CD4: variants seen among roughly 807,000 people sequenced by gnomAD.
The protein encoded by CD4 is CD4 molecule.
A neutral mutation model predicts 50.5 loss-of-function variants in CD4; 25 were observed. That is an observed-to-expected ratio of 0.49 (90% CI 0.36 to 0.69). CD4 has a LOEUF of 0.69. CD4 is among the 30% of genes least tolerant of loss of function. The pLI, the probability that CD4 is intolerant of heterozygous loss-of-function variation, is 0.00. For missense variants in CD4, 456 were observed against 548.5 expected (o/e 0.83, Z 1.68); for synonymous variants, 207 against 221.9 (o/e 0.93, Z 0.60).
At position 6,819,521 on chromosome 12, in the gene CD4, G is replaced by A; in HGVS notation, c.*192G>A. 4 of 616,658 alleles carry A rather than the reference G, an allele frequency of 6.5e-6. No individual in the cohort carries two copies. In the Admixed American group the frequency reaches 8.4e-5, roughly 13 times the overall value. 38.2% of individuals were successfully genotyped at this position (616,658 alleles called of 1,614,324 possible). A position where few individuals can be genotyped will look rare whatever the true frequency, so the allele number is the denominator to read the frequency against. On this transcript the variant is annotated 3_prime_UTR_variant, in exon 10 of 10. Transcript: ENST00000011653. ...GAGTGTTGCTCTCTAGTTTCCAGAGGCTTAATCACACCGTCCTCCACGCCA... is the reference window on the plus strand; with the variant it reads ...GAGTGTTGCTCTCTAGTTTCCAGAGACTTAATCACACCGTCCTCCACGCCA...
In CD4 at chr12:6,820,775, T is replaced by C. The variant is rs1352975623; in HGVS notation, c.*1446T>C. The C allele has an allele frequency of 6.6e-6, 1 of 151,128 alleles. No individual in the cohort carries two copies. The highest frequency in any genetic ancestry group is 2.4e-5 in the African/African-American group (1 of 40,960). 9.4% of individuals were successfully genotyped at this position (151,128 alleles called of 1,614,324 possible). On this transcript the variant is annotated 3_prime_UTR_variant, in exon 10 of 10. Transcript: ENST00000011653. ...ACTCTCCACCCCTGCTCCCCTGAGC[T>C]GAAATAAAAATACAATAAACTTACT...
chr12:6,819,179 G>A (rs1036414042), intron 9 of CD4, 120 bp from the exon 10 acceptor site: 2 of 1,012,050 alleles, frequency 2.0e-6, no homozygotes, highest in Non-Finnish European at 3.1e-6. Context: ...AGCAGGCCAG[G>A]AAAGGCCCTG....
At chr12:6,812,979 C>A (rs1419089961) in intron 3 of CD4, among the ~76,000 whole-genome samples, 1 of 151,888 alleles carries the variant, frequency 6.6e-6, no homozygotes, top group Non-Finnish European at 1.5e-5. Context: ...ATGATCATAG[C>A]TCACTGCAGC....
intron 3 of CD4, among the ~76,000 whole-genome samples, chr12:6,809,578 C>T (rs995333311): frequency 4.6e-5 from 7 of 152,182 alleles, no homozygotes; most frequent in African/African-American, 1.4e-4. Flanking sequence ...TCACATACCT[C>T]CCACCTGGAT....
rs1304983734 is a variant in CD4 at position 6,816,625 on chromosome 12, T to C, written c.955+222T>C. 3.3e-5 allele frequency among the ~76,000 whole-genome samples: 5 copies of C among 152,200 alleles called. No homozygotes were observed. The highest frequency in any genetic ancestry group is 7.3e-5 in the Non-Finnish European group (5 of 68,030). ...CTGAAGATCCCCAAAGCACTTGGGC[T>C]AAGAACCAGGGTTCCAGTTCTTCCT... On this transcript the variant is annotated intron_variant, in intron 6 of 9. Transcript: ENST00000011653. This position sits in a 1 kb window ranked among gnomAD's most constrained non-coding sequence, Gnocchi z 4.9.
At chr12:6,800,896 G>GA (rs201610908) in intron 3 of CD4, among the ~76,000 whole-genome samples, 248 of 148,482 alleles carry the variant, frequency 1.7e-3, no homozygotes, top group African/African-American at 4.7e-3. Flanking sequence ...CTGTCTCTAT[G>GA]AAAAAAAATA....
chr12:6,789,741 T>C (rs1277797907), intron 1 of CD4, 79 bp downstream of exon 1: 1 of 152,260 alleles, frequency 6.6e-6, no homozygotes, highest in Non-Finnish European at 1.5e-5. Flanking sequence ...GAATGTGCTC[T>C]GCCCAGTTGT....
At chr12:6,817,726 A>G (rs1478123490) in intron 7 of CD4, among the ~76,000 whole-genome samples, 1 of 146,400 alleles carries the variant, frequency 6.8e-6, no homozygotes, top group Non-Finnish European at 1.5e-5. Flanking sequence ...ACACGCACAC[A>G]CATCACTCAC....
Position 6,818,750 on chromosome 12 carries a change from C to G in CD4, c.1279-97C>G, listed in dbSNP as rs1445437149. 7.2e-6 allele frequency: 9 copies of G among 1,253,796 alleles called. No individual in the cohort carries two copies. The East Asian group carries it at 1.9e-4, about 26-fold the overall frequency. 77.7% of individuals were successfully genotyped at this position (1,253,796 alleles called of 1,614,324 possible). On this transcript the variant is annotated intron_variant, in intron 8 of 9. Coordinates refer to ENST00000011653, the MANE Select transcript of CD4 (RefSeq NM_000616.5). This position sits in a 1 kb window ranked among gnomAD's most constrained non-coding sequence, Gnocchi z 5.0. ...ATAGATGGCCTGGGCCATGTAACTGCTTCTCCTGTCGCAGCTTCCCCCACT... is the reference window on the plus strand; with the variant it reads ...ATAGATGGCCTGGGCCATGTAACTGGTTCTCCTGTCGCAGCTTCCCCCACT...
chr12:6,805,600 A>G (rs1942727291), intron 3 of CD4, among the ~76,000 whole-genome samples: 2 of 151,892 alleles, frequency 1.3e-5, no homozygotes, highest in African/African-American at 2.4e-5. Flanking sequence ...ATTGAATTGT[A>G]TGCTAAAAAC....
intron 3 of CD4, among the ~76,000 whole-genome samples, chr12:6,802,063 C>G (rs1301901647): frequency 2.0e-5 from 3 of 149,106 alleles, no homozygotes; most frequent in Non-Finnish European, 3.0e-5. Flanking sequence ...TAGTAGAGAC[C>G]GGTTTTCATC....
intron 5 of CD4, chr12:6,815,605 G>A (rs1943064138): frequency 7.1e-6 from 5 of 705,636 alleles, no homozygotes; most frequent in African/African-American, 5.5e-5. Context: ...TCTGTGAAAT[G>A]GGGATGATGT....
chr12:6,808,079 C>CAA (rs34876182), intron 3 of CD4, among the ~76,000 whole-genome samples: 221 of 69,830 alleles, frequency 3.2e-3, no homozygotes, highest in Non-Finnish European at 5.0e-3. Flanking sequence ...GGCTCTTTCT[C>CAA]AAAAAAAAAA....
rs373820201 is a variant in CD4 at position 6,793,776 on chromosome 12, A to G, written c.-68+4114A>G. On this transcript the variant is annotated intron_variant, in intron 1 of 9. Transcript: ENST00000011653. ...TGCAGTGGCACTACAAGTAATCCCA[A>G]GTAGCTGAGATTACAGGCGCCCGCC... Among the ~76,000 whole-genome samples the G allele has an allele frequency of 2.2e-4, 32 of 148,820 alleles. No homozygotes were observed. In the East Asian group the frequency reaches 4.4e-3, roughly 21 times the overall value.
At position 6,818,760 on chromosome 12, in the gene CD4, C is replaced by A; in HGVS notation, c.1279-87C>A. On this transcript the variant is annotated intron_variant, in intron 8 of 9. Transcript: ENST00000011653. This position sits in a 1 kb window ranked among gnomAD's most constrained non-coding sequence, Gnocchi z 5.0. ...TGGGCCATGTAACTGCTTCTCCTGT[C>A]GCAGCTTCCCCCACTCCCCCCACCA... The A allele has an allele frequency of 7.7e-7, 1 of 1,298,476 alleles. No homozygotes were observed. Among genetic ancestry groups the A allele is most frequent in the South Asian group, 1.2e-5 (1 of 84,110 alleles). The allele number at this position is 1,298,476 out of a possible 1,614,324, so 80.4% of individuals were successfully genotyped here.
At position 6,816,814 on chromosome 12, in the gene CD4, C is replaced by T. The variant is rs140438988; in HGVS notation, c.956-316C>T. Among the ~76,000 whole-genome samples the T allele has an allele frequency of 1.1e-4, 17 of 152,330 alleles. No homozygotes were observed. The highest frequency in any genetic ancestry group is 1.3e-4 in the Admixed American group (2 of 15,302). On this transcript the variant is annotated intron_variant, in intron 6 of 9. Transcript: ENST00000011653. The surrounding 1 kb of genome is among the most constrained non-coding windows in gnomAD (Gnocchi z 4.9). ...CTTCCTTATCTCCTTATCATCATAACGACTCTGCAAATAGTAATGGCTAAC... is the reference window on the plus strand; with the variant it reads ...CTTCCTTATCTCCTTATCATCATAATGACTCTGCAAATAGTAATGGCTAAC...
intron 3 of CD4, among the ~76,000 whole-genome samples, chr12:6,806,745 G>A (rs1416839775): frequency 6.6e-6 from 1 of 152,194 alleles, no homozygotes; most frequent in African/African-American, 2.4e-5. Flanking sequence ...TATCAGAATG[G>A]CTAAATACAA....
Position 6,816,347 on chromosome 12 carries a change from C to G in CD4, c.899C>G (p.Ala300Gly), listed in dbSNP as rs1468668357. The change falls in exon 6 of 10, where the codon GCC (alanine) becomes GGC (glycine). Residue 300 changes from alanine to glycine, a missense_variant. Ala to Gly is a moderately conservative substitution (Grantham distance 60). Coordinates refer to ENST00000011653, the MANE Select transcript of CD4 (RefSeq NM_000616.5). The surrounding 1 kb of genome is among the most constrained non-coding windows in gnomAD (Gnocchi z 4.9). ...GCTGGCTCTGGAAACCTCACCCTGG[C>G]CCTTGAAGCGAAAACAGGAAAGTTG... is the stretch of plus-strand genomic sequence containing the variant. ...QYAGSGNLTL[A>G]LEAKTGKLHQ... 1 of 1,614,202 alleles carries G rather than the reference C, an allele frequency of 6.2e-7. No homozygotes were observed. Among genetic ancestry groups the G allele is most frequent in the Non-Finnish European group, 8.5e-7 (1 of 1,180,020 alleles).
chr12:6,812,767 ATTTTTGTGTGTGTGTGTG>A (rs1346332510), intron 3 of CD4, among the ~76,000 whole-genome samples: 11 of 144,370 alleles, frequency 7.6e-5, no homozygotes, highest in African/African-American at 1.4e-4. Flanking sequence ...AACCAAGGTT[ATTTTTGTGTGTGTGTGTG>A]TGTGTGTGTG....
Sources: allele counts gnomAD v4.1 joint callset (sites outside exome capture counted in the v4.1 genomes callset), GRCh38; gene constraint gnomAD v4.1.1; non-coding constraint Gnocchi (gnomAD v3.1); transcripts MANE v1.5; gene names NCBI Gene and HGNC (gene_info 2026-07-23, HGNC 2026-07-21).